The following GPR158 variants were observed in gnomAD, a reference collection of about 807,000 sequenced individuals.
The protein encoded by GPR158 is G protein-coupled receptor 158.
A neutral mutation model predicts 78.2 loss-of-function variants in GPR158; 30 were observed. The ratio of observed to expected loss-of-function variants is 0.38; its 90% CI spans 0.29 to 0.52. The LOEUF (loss-of-function observed/expected upper bound fraction) is 0.52, where lower values mean the gene tolerates loss of function less well. Ranked by LOEUF, GPR158 falls within the 20% of genes least tolerant of loss-of-function variation. The probability of loss-of-function intolerance (pLI) is 0.83; values close to 1 mark genes in which losing one functional copy is unlikely to be tolerated. For missense variants in GPR158, 1,463 were observed against 1,523.5 expected (o/e 0.96, Z 0.66); for synonymous variants, 581 against 591.1 (o/e 0.98, Z 0.25).
At position 25,176,601 on chromosome 10, in the gene GPR158, G is replaced by C. The variant is rs1852537829; in HGVS notation, c.902+279G>C. On this transcript the variant is annotated intron_variant, in intron 1 of 10. Coordinates refer to ENST00000376351, the MANE Select transcript of GPR158 (RefSeq NM_020752.3). The surrounding 1 kb of genome is among the most constrained non-coding windows in gnomAD (Gnocchi z 6.3). ...AGGGACAGGCAGCCCTTGGCAGGAC[G>C]GAGACACCCCCGCTGCTCTGTGCTT... 6.6e-6 allele frequency among the ~76,000 whole-genome samples: 1 copy of C among 152,214 alleles called. No individual in the cohort carries two copies. The highest frequency in any genetic ancestry group is 1.5e-5 in the Non-Finnish European group (1 of 68,040).
chr10:25,263,510 T>C (rs1779528735), intron 2 of GPR158, among the ~76,000 whole-genome samples: 2 of 152,314 alleles, frequency 1.3e-5, no homozygotes, highest in Admixed American at 1.3e-4. Context: ...TTTGTTAATA[T>C]GTTTAGTTTC....
chr10:25,353,174 T>C (rs1051976129), intron 2 of GPR158, among the ~76,000 whole-genome samples: 1 of 152,030 alleles, frequency 6.6e-6, no homozygotes, highest in African/African-American at 2.4e-5. Context: ...TTTGAGTACT[T>C]TGTTCTCCTT....
chr10:25,474,510 G>A (rs998882266), intron 5 of GPR158, among the ~76,000 whole-genome samples: 2 of 151,810 alleles, frequency 1.3e-5, no homozygotes, highest in East Asian at 3.9e-4. Context: ...TGCTTTCCTC[G>A]ACCCCTAATC....
chr10:25,598,586 A>G lies in GPR158; in HGVS notation c.2960A>G (p.Asn987Ser), dbSNP rs1207621235. The G allele has an allele frequency of 3.7e-6, 6 of 1,613,928 alleles. No individual in the cohort carries two copies. The African/African-American group carries it at 5.3e-5, about 14-fold the overall frequency. ...CAAAGGGTCAACCCCACCACTGCCA[A>G]TTCTGACCTGAACCCAGGCACCACC... ...KQQRVNPTTA[N>S]SDLNPGTTQM... The change falls in exon 11 of 11, where the codon AAT (asparagine) becomes AGT (serine). Residue 987 changes from asparagine (N) to serine (S), a missense_variant. Asn to Ser is a conservative substitution (Grantham distance 46). Transcript: ENST00000376351.
chr10:25,443,068 C>T (rs993328188), intron 4 of GPR158, among the ~76,000 whole-genome samples: 1 of 150,352 alleles, frequency 6.7e-6, no homozygotes, highest in Non-Finnish European at 1.5e-5. Context: ...ACTTCCACAC[C>T]GACTTCTCTC....
intron 2 of GPR158, among the ~76,000 whole-genome samples, chr10:25,379,758 G>A (rs1773625): frequency 0.67 from 99,671 of 149,840 alleles, 34,027 homozygotes; most frequent in Non-Finnish European, 0.75. Context: ...CTGTGAGAGT[G>A]CCAAAACTTA....
chr10:25,371,157 A>C lies in GPR158; in HGVS notation c.1009-24754A>C, dbSNP rs562093838. Among the ~76,000 whole-genome samples, 34 of 148,554 alleles carry C rather than the reference A, an allele frequency of 2.3e-4. No individual in the cohort carries two copies. The South Asian group carries it at 3.3e-3, about 14-fold the overall frequency. On this transcript the variant is annotated intron_variant, in intron 2 of 10. Transcript: ENST00000376351. ...TCTGTGTCTTTTAATTGGAGCACTT[A>C]GTCCATTTACATTTAAAGTTAATAT... is the stretch of plus-strand genomic sequence containing the variant.
At chr10:25,395,189 A>G (rs895202691) in intron 2 of GPR158, among the ~76,000 whole-genome samples, 5 of 152,152 alleles carry the variant, frequency 3.3e-5, no homozygotes, top group African/African-American at 1.2e-4. Flanking sequence ...TATATCCTTG[A>G]CCCTTGAAAG....
intron 2 of GPR158, among the ~76,000 whole-genome samples, chr10:25,251,257 C>G (rs1853794157): frequency 1.3e-5 from 2 of 152,066 alleles, no homozygotes; most frequent in Admixed American, 6.5e-5. Flanking sequence ...TGGGTCTTGA[C>G]TCTTTATCCA....
At chr10:25,439,627 C>A (rs74124007) in intron 4 of GPR158, among the ~76,000 whole-genome samples, 8,507 of 152,002 alleles carry the variant, frequency 0.056, 500 homozygotes, top group African/African-American at 0.15. Context: ...TCCTAATATT[C>A]CTATAATTTT....
intron 2 of GPR158, among the ~76,000 whole-genome samples, chr10:25,258,942 A>G (rs1208151615): frequency 6.6e-6 from 1 of 152,232 alleles, no homozygotes; most frequent in African/African-American, 2.4e-5. Flanking sequence ...AAGCTAGAGA[A>G]AAGAAAATGT....
At chr10:25,459,411 C>T (rs1161541311) in intron 4 of GPR158, among the ~76,000 whole-genome samples, 1 of 151,990 alleles carries the variant, frequency 6.6e-6, no homozygotes, top group Non-Finnish European at 1.5e-5. Context: ...GATGCTGGGT[C>T]CAACTATATA....
intron 3 of GPR158, among the ~76,000 whole-genome samples, chr10:25,411,449 G>A (rs1386325433): frequency 2.0e-5 from 3 of 152,124 alleles, no homozygotes; most frequent in Admixed American, 6.5e-5. Context: ...CCTGATGAAT[G>A]AATTAAGGAG....
intron 2 of GPR158, among the ~76,000 whole-genome samples, chr10:25,335,529 C>T (rs1010909574): frequency 1.3e-5 from 2 of 151,766 alleles, no homozygotes; most frequent in Admixed American, 6.6e-5. Context: ...TTTATTGTTC[C>T]GTAGAATTTT....
chr10:25,551,048 G>C lies in GPR158; in HGVS notation c.1477G>C (p.Ala493Pro). Residue 493 changes from alanine to proline, a missense_variant, in exon 6 of 11, where the codon GCT becomes CCT. By Grantham distance (27) the Ala-to-Pro change is conservative. Coordinates refer to ENST00000376351, the MANE Select transcript of GPR158 (RefSeq NM_020752.3). ...AAGATGGGCTCGTCTTCTCGGTTTT[G>C]CTACTGTTTACGGAACTGTCACTCT... ...LLRWARLLGF[A>P]TVYGTVTLKL... 1 of 1,608,142 alleles carries C rather than the reference G, an allele frequency of 6.2e-7. No homozygotes were observed. The highest frequency in any genetic ancestry group is 8.5e-7 in the Non-Finnish European group (1 of 1,174,742).
chr10:25,524,780 A>G (rs1322066796), intron 5 of GPR158, among the ~76,000 whole-genome samples: 2 of 152,238 alleles, frequency 1.3e-5, no homozygotes, highest in African/African-American at 4.8e-5. Flanking sequence ...GATGAAATAC[A>G]TAGTTGATCT....
At chr10:25,237,506 A>G (rs1046106058) in intron 2 of GPR158, among the ~76,000 whole-genome samples, 3 of 152,196 alleles carry the variant, frequency 2.0e-5, no homozygotes, top group Non-Finnish European at 4.4e-5. Flanking sequence ...CATATGCCAT[A>G]ATGACTCAGT....
intron 2 of GPR158, among the ~76,000 whole-genome samples, chr10:25,303,168 A>G (rs1270741383): frequency 6.6e-6 from 1 of 152,234 alleles, no homozygotes; most frequent in Non-Finnish European, 1.5e-5. Flanking sequence ...CTGCTAGTTA[A>G]TAAGTAACTG....
At chr10:25,533,405 A>G (rs1002374350) in intron 5 of GPR158, among the ~76,000 whole-genome samples, 1 of 152,172 alleles carries the variant, frequency 6.6e-6, no homozygotes, top group Non-Finnish European at 1.5e-5. Flanking sequence ...TATATTTTAA[A>G]CCATTATAGT....
Sources: gnomAD v4.1 joint callset for allele counts (sites outside exome capture counted in the v4.1 genomes callset) on GRCh38, gnomAD v4.1.1 for gene constraint, Gnocchi (gnomAD v3.1) non-coding constraint, MANE v1.5 for transcripts, NCBI Gene and HGNC (gene_info 2026-07-23, HGNC 2026-07-21) for gene names.